The following CTSA variants were observed in gnomAD, a reference collection of about 807,000 sequenced individuals.
CTSA encodes the protein cathepsin A.
In CTSA, 42 loss-of-function variants were observed where a neutral mutation model predicts 66.7. The ratio of observed to expected loss-of-function variants is 0.63; its 90% CI spans 0.49 to 0.81. The LOEUF (loss-of-function observed/expected upper bound fraction) is 0.81. Ranked by LOEUF, CTSA falls within the 40% of genes least tolerant of loss-of-function variation. The probability of loss-of-function intolerance (pLI) is 0.00; values close to 1 mark genes in which losing one functional copy is unlikely to be tolerated. For missense variants in CTSA, 525 were observed against 610.9 expected, an observed-to-expected ratio of 0.86 and a Z score of 1.48; for synonymous variants, 225 against 248.6, an observed-to-expected ratio of 0.91 and a Z score of 0.89.
At chr20:45,892,544 G>C in intron 5 of CTSA, 60 bp downstream of exon 5, 4 of 1,564,014 alleles carry the variant, frequency 2.6e-6, no homozygotes, top group Non-Finnish European at 3.5e-6. Context: ...ATGGCATGAT[G>C]CTGGGAGAGA....
chr20:45,894,940 G>A lies in CTSA; in HGVS notation c.948+39G>A, dbSNP rs201506811. 1.3e-5 allele frequency: 21 copies of A among 1,612,216 alleles called. No individual in the cohort carries two copies. The Admixed American group carries it at 2.2e-4, about 17-fold the overall frequency. ...TGGGCTTCCTCCTGGTGAGGTGGGGGCAGGGGGAGGGGCAGGGAAGCAGAG... is the reference window on the plus strand; with the variant it reads ...TGGGCTTCCTCCTGGTGAGGTGGGGACAGGGGGAGGGGCAGGGAAGCAGAG... On this transcript the variant is annotated intron_variant, in intron 10 of 14. Transcript: ENST00000646241.
intron 7 of CTSA, 175 bp downstream of exon 7, chr20:45,893,486 CTTTTTT>C (rs5841610): frequency 0.038 from 19,805 of 519,086 alleles, 939 homozygotes; most frequent in South Asian, 0.12. Flanking sequence ...TTCTTTCTTT[CTTTTTT>C]TTTTTTTTGA....
Position 45,898,065 on chromosome 20 carries a change from G to A in CTSA, c.1315G>A (p.Gly439Ser), listed in dbSNP as rs137854547. Reference sequence around the variant, plus strand: ...CGGGGACAGCGGGGAGCAGATTGCCGGCTTCGTGAAGGAGTTCTCCCACAT... The same window carrying A: ...CGGGGACAGCGGGGAGCAGATTGCCAGCTTCGTGAAGGAGTTCTCCCACAT... ...KYGDSGEQIA[G>S]FVKEFSHIAF... The change falls in exon 14 of 15, where the codon GGC becomes AGC. Residue 439 changes from glycine to serine, a missense_variant. Physicochemically the swap from Gly to Ser is moderately conservative, Grantham distance 56. Around this residue, in one of 3 missense-constraint regions of CTSA, gnomAD observed 274 missense variants for 321.1 expected, o/e 0.85. Coordinates refer to ENST00000646241, the MANE Select transcript of CTSA (RefSeq NM_000308.4). The surrounding 1 kb of genome is among the most constrained non-coding windows in gnomAD (Gnocchi z 4.6). 7.4e-6 allele frequency: 12 copies of A among 1,614,146 alleles called. No individual in the cohort carries two copies. The highest frequency in any genetic ancestry group is 1.1e-5 in the South Asian group (1 of 91,084).
At chr20:45,897,646 G>T in intron 12 of CTSA, 71 bp from the exon 13 acceptor site, 6 of 903,910 alleles carry the variant, frequency 6.6e-6, no homozygotes, top group Non-Finnish European at 1.1e-5. Context: ...TGAGGGGTAG[G>T]CCTTGAACTA....
chr20:45,893,442 T>C, intron 7 of CTSA, 131 bp downstream of exon 7: 1 of 738,554 alleles, frequency 1.4e-6, no homozygotes, highest in Non-Finnish European at 2.5e-6. Flanking sequence ...AGAAAGAACC[T>C]AGTGCTGAAA....
chr20:45,891,833 A>G lies in CTSA; in HGVS notation c.194+71A>G, dbSNP rs1323032807. ...GATGAGGGATGGGGGGTAGTTCTGC[A>G]GACCCCTGAGGATGCCTGGGAGCCG... On this transcript the variant is annotated intron_variant, in intron 2 of 14. Coordinates refer to ENST00000646241, the MANE Select transcript of CTSA (RefSeq NM_000308.4). The surrounding 1 kb of genome is among the most constrained non-coding windows in gnomAD (Gnocchi z 4.6). 6.2e-7 allele frequency: 1 copy of G among 1,609,924 alleles called. No homozygotes were observed. Among genetic ancestry groups the G allele is most frequent in the Non-Finnish European group, 8.5e-7 (1 of 1,176,422 alleles).
Position 45,898,315 on chromosome 20 carries a change from T to C in CTSA, c.1360-52T>C, listed in dbSNP as rs2083135161. The C allele has an allele frequency of 2.0e-6, 3 of 1,498,222 alleles. No homozygotes were observed. Among genetic ancestry groups the C allele is most frequent in the Non-Finnish European group, 2.8e-6 (3 of 1,080,662 alleles). 92.8% of individuals were successfully genotyped at this position (1,498,222 alleles called of 1,614,324 possible). A position where few individuals can be genotyped will look rare whatever the true frequency, so the allele number is the denominator to read the frequency against. Reference sequence around the variant, plus strand: ...GGAATTGCCCCCGAGTGAGCAGTTATATGGGGAGGAGGGAATGGTGGGGTC... The same window carrying C: ...GGAATTGCCCCCGAGTGAGCAGTTACATGGGGAGGAGGGAATGGTGGGGTC... On this transcript the variant is annotated intron_variant, in intron 14 of 14. Transcript: ENST00000646241. The surrounding 1 kb of genome is among the most constrained non-coding windows in gnomAD (Gnocchi z 4.6).
Position 45,891,662 on chromosome 20 carries a change from C to T in CTSA, c.94C>T (p.Gln32Ter). 1 of 1,612,714 alleles carries T rather than the reference C, an allele frequency of 6.2e-7. No individual in the cohort carries two copies. ...WASRGEAAPD[Q>*]DEIQRLPGLA... ...GTCCCGAGGCGAGGCAGCCCCCGAC[C>T]AGGACGAGATCCAGCGCCTCCCCGG... The change falls in exon 2 of 15, where the codon CAG becomes TAG. Residue 32 changes from glutamine (Q) to a stop codon, truncating the protein, a stop_gained. Coordinates refer to ENST00000646241, the MANE Select transcript of CTSA (RefSeq NM_000308.4). LOFTEE classifies it high-confidence loss of function. This position sits in a 1 kb window ranked among gnomAD's most constrained non-coding sequence, Gnocchi z 4.6.
chr20:45,894,512 T>C (rs1031671128), intron 8 of CTSA, 138 bp from the exon 9 acceptor site: 10 of 790,972 alleles, frequency 1.3e-5, no homozygotes, highest in African/African-American at 8.4e-5. Flanking sequence ...TTCCTGCCAC[T>C]GAGCCTCAGT....
Position 45,891,654 on chromosome 20 carries a change from C to T in CTSA, c.86C>T (p.Ala29Val), listed in dbSNP as rs1287957339. The T allele has an allele frequency of 6.2e-7, 1 of 1,612,476 alleles. No homozygotes were observed. The highest frequency in any genetic ancestry group is 1.3e-5 in the African/African-American group (1 of 75,030). Residue 29 changes from alanine (A) to valine (V), a missense_variant, in exon 2 of 15, where the codon GCC (alanine) becomes GTC (valine). This residue lies in a region of CTSA where 246 missense variants were observed against 267.4 expected (regional missense o/e 0.92). Coordinates refer to ENST00000646241, the MANE Select transcript of CTSA (RefSeq NM_000308.4). This position sits in a 1 kb window ranked among gnomAD's most constrained non-coding sequence, Gnocchi z 4.6. ...TCCTGGGCGTCCCGAGGCGAGGCAG[C>T]CCCCGACCAGGACGAGATCCAGCGC... ...LVSWASRGEA[A>V]PDQDEIQRLP...
rs1389990564 is a variant in CTSA at position 45,891,863 on chromosome 20, G to A, written c.195-53G>A. 1 of 1,607,316 alleles carries A rather than the reference G, an allele frequency of 6.2e-7. No individual in the cohort carries two copies. The highest frequency in any genetic ancestry group is 1.7e-5 in the Admixed American group (1 of 60,030). ...CCTGAGGATGCCTGGGAGCCGGGAG[G>A]GCTGGAAAGGGCCCCTCCAACTGCG... On this transcript the variant is annotated intron_variant, in intron 2 of 14. Coordinates refer to ENST00000646241, the MANE Select transcript of CTSA (RefSeq NM_000308.4). This position sits in a 1 kb window ranked among gnomAD's most constrained non-coding sequence, Gnocchi z 4.6.
At chr20:45,897,616 G>A in intron 12 of CTSA, 101 bp from the exon 13 acceptor site, 1 of 778,100 alleles carries the variant, frequency 1.3e-6, no homozygotes, top group South Asian at 1.4e-5. Flanking sequence ...GTGTTATCTA[G>A]CTTGGCCCCT....
rs1419609737 is a variant in CTSA at position 45,892,741 on chromosome 20, T to C, written c.461T>C (p.Phe154Ser). The C allele has an allele frequency of 3.7e-6, 6 of 1,614,226 alleles. No homozygotes were observed. Among genetic ancestry groups the C allele is most frequent in the African/African-American group, 1.3e-5 (1 of 75,052 alleles). ...TNDTEVAQSN[F>S]EALQDFFRLF... Reference sequence around the variant, plus strand: ...CATCCCCAGGTCGCCCAGAGCAATTTTGAGGCCCTTCAAGATTTCTTCCGC... The same window carrying C: ...CATCCCCAGGTCGCCCAGAGCAATTCTGAGGCCCTTCAAGATTTCTTCCGC... The change falls in exon 6 of 15, where the codon TTT becomes TCT. Residue 154 changes from phenylalanine (F) to serine (S), a missense_variant. This residue lies in a region of CTSA where 246 missense variants were observed against 267.4 expected (regional missense o/e 0.92). Coordinates refer to ENST00000646241, the MANE Select transcript of CTSA (RefSeq NM_000308.4).
intron 3 of CTSA, 100 bp from the exon 4 acceptor site, chr20:45,892,173 C>T (rs1986993130): frequency 1.4e-6 from 2 of 1,462,674 alleles, no homozygotes; most frequent in Admixed American, 1.7e-5. Context: ...GCCTGTACCT[C>T]TCAGAGGTTT....
rs1418684467 is a variant in CTSA, at chr20:45,898,186, GC to G, written c.1359+79del. On this transcript the variant is annotated intron_variant, in intron 14 of 14. Transcript: ENST00000646241. The surrounding 1 kb of genome is among the most constrained non-coding windows in gnomAD (Gnocchi z 4.6). ...ACCCACCCGTCCTTTCCCTCTGGCT[GC>G]CTTTTAGGCTGGGTCATGGGTCACC... 2.7e-6 allele frequency: 4 copies of G among 1,505,326 alleles called. No homozygotes were observed. In the East Asian group the frequency reaches 9.2e-5, roughly 35 times the overall value. The allele number at this position is 1,505,326 out of a possible 1,614,324, so 93.2% of individuals were successfully genotyped here. A position where few individuals can be genotyped will look rare whatever the true frequency, so the allele number is the denominator to read the frequency against.
At position 45,892,976 on chromosome 20, in the gene CTSA, C is replaced by CAGCT. The variant is rs1987051930; in HGVS notation, c.600+97_600+100dup. ...GACTGGTCAATGTCCCCATCCAACC[C>CAGCT]AGCTTCCTGCATAACCTCCCCACCA... On this transcript the variant is annotated intron_variant, in intron 6 of 14. Coordinates refer to ENST00000646241, the MANE Select transcript of CTSA (RefSeq NM_000308.4). 7.0e-6 allele frequency: 10 copies of CAGCT among 1,421,894 alleles called. No homozygotes were observed. The South Asian group carries it at 1.1e-4, about 15-fold the overall frequency. The allele number at this position is 1,421,894 out of a possible 1,614,324, so 88.1% of individuals were successfully genotyped here.
At position 45,894,724 on chromosome 20, in the gene CTSA, G is replaced by A. The variant is rs768900463; in HGVS notation, c.852G>A (p.Gly284=). The part of the protein sequence containing the change: ...IYNLYAPCAG[G]VPSHFRYEKD... ...ATCTCTATGCCCCGTGTGCTGGAGG[G>A]GTGCCCAGCCATTTTAGGTAGGTGC... The change falls in exon 9 of 15, where the codon GGG becomes GGA. Residue 284 remains glycine (G), a synonymous_variant. Transcript: ENST00000646241. 1 of 1,614,138 alleles carries A rather than the reference G, an allele frequency of 6.2e-7. No individual in the cohort carries two copies. Among genetic ancestry groups the A allele is most frequent in the African/African-American group, 1.3e-5 (1 of 75,032 alleles).
In CTSA at chr20:45,891,485, G is replaced by T; in HGVS notation, c.1-84G>T. ...GCGCTGGGGCCGGGGCTTCCCTCGCGGAGGCGCCGCCAGCAACTCCCCGGG... is the reference window on the plus strand; with the variant it reads ...GCGCTGGGGCCGGGGCTTCCCTCGCTGAGGCGCCGCCAGCAACTCCCCGGG... On this transcript the variant is annotated intron_variant, in intron 1 of 14. Transcript: ENST00000646241. This position sits in a 1 kb window ranked among gnomAD's most constrained non-coding sequence, Gnocchi z 4.6. 2 of 1,547,926 alleles carry T rather than the reference G, an allele frequency of 1.3e-6. No individual in the cohort carries two copies. The highest frequency in any genetic ancestry group is 1.7e-6 in the Non-Finnish European group (2 of 1,146,936).
chr20:45,895,262 CA>C, intron 11 of CTSA, 129 bp downstream of exon 11: 4 of 1,020,988 alleles, frequency 3.9e-6, no homozygotes, highest in South Asian at 1.3e-5. Context: ...GTTTAACATC[CA>C]TCCCTGACCC....
Sources: allele counts gnomAD v4.1 joint callset, GRCh38; gene constraint gnomAD v4.1.1; regional missense constraint gnomAD v4.1.1; non-coding constraint Gnocchi (gnomAD v3.1); transcripts MANE v1.5; gene names NCBI Gene and HGNC (gene_info 2026-07-23, HGNC 2026-07-21).